Variants in CBFA2T3 observed in about 807,000 individuals in gnomAD.
CBFA2T3 encodes the protein CBFA2/RUNX1 partner transcriptional co-repressor 3.
CBFA2T3 carries 31 observed loss-of-function variants against 58.6 expected under a neutral mutation model. That is an observed-to-expected ratio of 0.53 (90% CI 0.40 to 0.71). The LOEUF (loss-of-function observed/expected upper bound fraction) is 0.71. Among genes scored for constraint, CBFA2T3 ranks in the 30% least tolerant of loss-of-function variants. The pLI is 0.00. For missense variants in CBFA2T3, 1,076 were observed against 963.1 expected (o/e 1.12, Z -1.55); for synonymous variants, 531 against 421.9 (o/e 1.26, Z -3.17).
intron 1 of CBFA2T3, among the ~76,000 whole-genome samples, chr16:88,919,333 T>C (rs533049510): frequency 2.6e-5 from 4 of 152,328 alleles, no homozygotes; most frequent in African/African-American, 9.6e-5. Context: ...GTCTCCTTCA[T>C]TCGGTGTACT....
At chr16:88,916,073 C>A (rs180694675) in intron 1 of CBFA2T3, among the ~76,000 whole-genome samples, 1 of 151,232 alleles carries the variant, frequency 6.6e-6, no homozygotes, top group East Asian at 2.0e-4. Context: ...CATGTGTATT[C>A]ATGCATGTGT....
At chr16:88,976,571 C>T (rs1360574077) in intron 1 of CBFA2T3, 86 bp downstream of exon 1, 2 of 1,033,036 alleles carry the variant, frequency 1.9e-6, no homozygotes, top group Non-Finnish European at 2.8e-6. Flanking sequence ...GCTGGGCAGG[C>T]CCCGCGAAGC....
chr16:88,895,286 C>T (rs1407077179), intron 3 of CBFA2T3, among the ~76,000 whole-genome samples: 1 of 152,190 alleles, frequency 6.6e-6, no homozygotes, highest in African/African-American at 2.4e-5. Flanking sequence ...TAGGTGGCCG[C>T]CATCAGCTTC....
intron 9 of CBFA2T3, 134 bp from the exon 10 acceptor site, chr16:88,880,922 T>C: frequency 1.2e-6 from 1 of 827,570 alleles, no homozygotes; most frequent in Non-Finnish European, 1.9e-6. Flanking sequence ...CCAGGTGCCC[T>C]CGGACAAGGT....
At chr16:88,878,514 G>A (rs1190623839) in intron 11 of CBFA2T3, among the ~76,000 whole-genome samples, 1 of 152,202 alleles carries the variant, frequency 6.6e-6, no homozygotes, top group African/African-American at 2.4e-5. Context: ...CTCTGCCCCC[G>A]CCTGCCTCCC....
intron 1 of CBFA2T3, chr16:88,950,609 C>G (rs1272722392): frequency 5.4e-6 from 2 of 369,382 alleles, no homozygotes; most frequent in African/African-American, 4.2e-5. Context: ...TTCACCCGTC[C>G]CCTGGACCGG....
chr16:88,881,564 C>T, intron 8 of CBFA2T3, 75 bp from the exon 9 acceptor site: 1 of 1,476,568 alleles, frequency 6.8e-7, no homozygotes, highest in South Asian at 1.2e-5. Context: ...GCCCACTCGG[C>T]CAGAGCCCCG....
chr16:88,933,947 GA>G (rs11373045), intron 1 of CBFA2T3, among the ~76,000 whole-genome samples: 2 of 137,476 alleles, frequency 1.5e-5, no homozygotes, highest in Non-Finnish European at 1.6e-5. Flanking sequence ...CGGGAGAGCT[GA>G]AAAAAAAATA....
intron 1 of CBFA2T3, chr16:88,937,076 G>A (rs1487167067): frequency 6.6e-6 from 1 of 152,250 alleles, no homozygotes; most frequent in African/African-American, 2.4e-5. Flanking sequence ...GGCCCTCCCA[G>A]GCCTGCCCGG....
chr16:88,877,719 C>G (rs949052068), intron 11 of CBFA2T3, among the ~76,000 whole-genome samples: 21 of 152,302 alleles, frequency 1.4e-4, no homozygotes, highest in Admixed American at 1.4e-3. Flanking sequence ...CACCTCTGCC[C>G]CCACCCTGTG....
At chr16:88,878,036 A>G (rs1436266264) in intron 11 of CBFA2T3, among the ~76,000 whole-genome samples, 2 of 152,132 alleles carry the variant, frequency 1.3e-5, no homozygotes, top group Admixed American at 1.3e-4. Flanking sequence ...CGGACTAGGC[A>G]CTGCCAGGCA....
rs1968976214 is a variant in CBFA2T3, at chr16:88,879,427, A to G, written c.1505T>C (p.Met502Thr). ...EAVNEVKRQA[M>T]SELQKAVSDA... ...CGACACGGCTTTCTGCAGCTCCGAC[A>G]TGGCCTGCCGCTTCACCTCATTCAC... The change falls in exon 11 of 12, where the codon ATG becomes ACG. Residue 502 changes from methionine to threonine, a missense_variant. By Grantham distance (81) the Met-to-Thr change is moderately conservative (BLOSUM62 -1). Transcript: ENST00000268679. 2 of 1,612,766 alleles carry G rather than the reference A, an allele frequency of 1.2e-6. No individual in the cohort carries two copies. Among genetic ancestry groups the G allele is most frequent in the Non-Finnish European group, 1.7e-6 (2 of 1,179,502 alleles).
intron 1 of CBFA2T3, among the ~76,000 whole-genome samples, chr16:88,909,716 C>T (rs888866078): frequency 1.3e-5 from 2 of 152,228 alleles, no homozygotes; most frequent in African/African-American, 4.8e-5. Flanking sequence ...CACGGCCGCC[C>T]TCCCGCCTCC....
Position 88,905,670 on chromosome 16 carries a change from TGGGGCTGAAGGAGGGGC to T in CBFA2T3, c.152-4031_152-4015del, listed in dbSNP as rs1476321391. ...TGATCAGGGCGGGCCTGAGGGGAGGTGGGGCTGAAGGAGGGGCGGGGCTGAAGGAGGGGCGGGGCTGG... is the reference window on the plus strand; with the variant it reads ...TGATCAGGGCGGGCCTGAGGGGAGGTGGGGCTGAAGGAGGGGCGGGGCTGG... On this transcript the variant is annotated intron_variant, in intron 1 of 11. Transcript: ENST00000268679. Among the ~76,000 whole-genome samples the T allele has an allele frequency of 8.3e-3, 553 of 66,412 alleles. 2 individuals are homozygous for T. Among genetic ancestry groups the T allele is most frequent in the Middle Eastern group, 0.05 (6 of 120 alleles). The allele number at this position is 66,412 out of a possible 152,430, so 43.6% of individuals were successfully genotyped here.
rs1968806188 is a variant in CBFA2T3, at chr16:88,875,705, A to G, written c.*1271T>C. ...CTGGCCGAGAAGCAGTGTTTCAGGG[A>G]GGCCTGCTGGCTCCGCATGCTCGAA... On this transcript the variant is annotated 3_prime_UTR_variant, in exon 12 of 12. Coordinates refer to ENST00000268679, the MANE Select transcript of CBFA2T3 (RefSeq NM_005187.6). The G allele has an allele frequency of 4.3e-6, 1 of 233,544 alleles. No homozygotes were observed. Among genetic ancestry groups the G allele is most frequent in the Non-Finnish European group, 8.5e-6 (1 of 118,052 alleles). 14.5% of individuals were successfully genotyped at this position (233,544 alleles called of 1,614,324 possible).
intron 3 of CBFA2T3, among the ~76,000 whole-genome samples, chr16:88,897,044 G>C (rs1056348942): frequency 6.6e-6 from 1 of 152,222 alleles, no homozygotes; most frequent in African/African-American, 2.4e-5. Context: ...CACCCCCGCG[G>C]CTCCCCCAGC....
chr16:88,900,663 T>A (rs1421788858), intron 2 of CBFA2T3, among the ~76,000 whole-genome samples: 1 of 152,054 alleles, frequency 6.6e-6, no homozygotes, highest in Non-Finnish European at 1.5e-5. Context: ...AGGTGGTACA[T>A]GGAGTCTCCC....
intron 1 of CBFA2T3, among the ~76,000 whole-genome samples, chr16:88,943,710 G>T (rs1252912512): frequency 1.3e-5 from 2 of 152,180 alleles, no homozygotes; most frequent in African/African-American, 4.8e-5. Context: ...CCATTTTACA[G>T]GTGGAGAGGC....
At chr16:88,934,882 G>A (rs1372779727) in intron 1 of CBFA2T3, among the ~76,000 whole-genome samples, 2 of 152,226 alleles carry the variant, frequency 1.3e-5, no homozygotes, top group Non-Finnish European at 2.9e-5. Flanking sequence ...TGGGACTACA[G>A]GCGCCCGCCA....
Sources: gnomAD v4.1 joint callset for allele counts (sites outside exome capture counted in the v4.1 genomes callset) on GRCh38, gnomAD v4.1.1 for gene constraint, MANE v1.5 for transcripts, NCBI Gene and HGNC (gene_info 2026-07-23, HGNC 2026-07-21) for gene names.